The following APOC1 variants were observed in gnomAD, a reference collection of about 807,000 sequenced individuals.
APOC1 encodes the protein apolipoprotein C-I.
In APOC1, 4 loss-of-function variants were observed where a neutral mutation model predicts 6.7. The ratio of observed to expected loss-of-function variants is 0.60; its 90% confidence interval spans 0.29 to 1.37. The LOEUF (loss-of-function observed/expected upper bound fraction) is 1.37. Among genes scored for constraint, APOC1 ranks in the 40% most tolerant of loss-of-function variants. The pLI is 0.09. For missense variants in APOC1, 122 were observed against 99.4 expected, an observed-to-expected ratio of 1.23 and a Z score of -0.97; for synonymous variants, 33 against 40.6, an observed-to-expected ratio of 0.81 and a Z score of 0.72.
chr19:44,915,168 G>T lies in APOC1; in HGVS notation c.58+219G>T, dbSNP rs760675765. The T allele has an allele frequency of 5.9e-5, 35 of 590,440 alleles. No individual in the cohort carries two copies. The South Asian group carries it at 6.3e-4, about 11-fold the overall frequency. 36.6% of individuals were successfully genotyped at this position (590,440 alleles called of 1,614,324 possible). On this transcript the variant is annotated intron_variant, in intron 2 of 3. Transcript: ENST00000592535. ...GCACTAGCAACCGATGACGTATTGA[G>T]GCCCACACCTCTGGGATTGGCTGTC...
At chr19:44,918,991 G>C (rs1970055997) in intron 3 of APOC1, 182 bp from the exon 4 acceptor site, 1 of 671,662 alleles carries the variant, frequency 1.5e-6, no homozygotes, top group Non-Finnish European at 2.7e-6. Flanking sequence ...ACGTGCTTTG[G>C]TCCATCTGGG....
At chr19:44,917,153 C>A (rs1160420496) in intron 3 of APOC1, among the ~76,000 whole-genome samples, 1 of 152,124 alleles carries the variant, frequency 6.6e-6, no homozygotes, top group Non-Finnish European at 1.5e-5. Flanking sequence ...AAGGAGCAGG[C>A]CTACAGGGTG....
chr19:44,919,143 A>C (rs749703095), intron 3 of APOC1, 30 bp from the exon 4 acceptor site: 1 of 1,603,118 alleles, frequency 6.2e-7, no homozygotes, highest in Middle Eastern at 1.9e-4. Flanking sequence ...AGCTGCACAC[A>C]GTGACCCCCT....
intron 3 of APOC1, among the ~76,000 whole-genome samples, chr19:44,917,280 CTG>C (rs927854531): frequency 6.6e-6 from 1 of 152,148 alleles, no homozygotes; most frequent in African/African-American, 2.4e-5. Context: ...GTGCTGGAAA[CTG>C]TTTCAATGTG....
rs1232233343 is a variant in APOC1 at position 44,916,136 on chromosome 19, C to A, written c.59-54C>A. ...TGGGCTACAGAGCAAGACTCCATCTCCAAAAAAAAAAAAAAAAAAACAAAT... is the reference window on the plus strand; with the variant it reads ...TGGGCTACAGAGCAAGACTCCATCTACAAAAAAAAAAAAAAAAAAACAAAT... On this transcript the variant is annotated intron_variant, in intron 2 of 3. Transcript: ENST00000592535. The A allele has an allele frequency of 1.1e-4, 40 of 370,784 alleles. No individual in the cohort carries two copies. The African/African-American group carries it at 6.1e-3, about 57-fold the overall frequency. 23.0% of individuals were successfully genotyped at this position (370,784 alleles called of 1,614,324 possible). A position where few individuals can be genotyped will look rare whatever the true frequency, so the allele number is the denominator to read the frequency against.
At chr19:44,918,925 T>A (rs1344574806) in intron 3 of APOC1, 2 of 516,848 alleles carry the variant, frequency 3.9e-6, no homozygotes, top group South Asian at 5.8e-5. Context: ...TCCCAAAGTG[T>A]TGGGATTACA....
At chr19:44,918,546 G>T (rs1970048014) in intron 3 of APOC1, among the ~76,000 whole-genome samples, 1 of 151,184 alleles carries the variant, frequency 6.6e-6, no homozygotes, top group Non-Finnish European at 1.5e-5. Flanking sequence ...ATTCTTAGTA[G>T]AATGTAGAAT....
intron 3 of APOC1, among the ~76,000 whole-genome samples, chr19:44,916,777 G>A (rs1233371464): frequency 1.5e-5 from 2 of 134,990 alleles, no homozygotes; most frequent in Non-Finnish European, 3.1e-5. Flanking sequence ...CCAACATTGT[G>A]CCAGCCTGGG....
At chr19:44,916,828 A>AAC (rs1970018752) in intron 3 of APOC1, among the ~76,000 whole-genome samples, 1 of 144,542 alleles carries the variant, frequency 6.9e-6, no homozygotes, top group African/African-American at 2.6e-5. Context: ...AAAAAAAAAA[A>AAC]AAAAAAACAA....
At chr19:44,916,856 A>T (rs182848507) in intron 3 of APOC1, among the ~76,000 whole-genome samples, 1 of 146,818 alleles carries the variant, frequency 6.8e-6, no homozygotes, top group East Asian at 2.0e-4. Context: ...TTGCCCAGGT[A>T]TGGTGGCTCA....
In APOC1 at chr19:44,916,149, A is replaced by AAAAAAAAAC. The variant is rs752987113; in HGVS notation, c.59-34_59-33insACAAAAAAA. 6.6e-6 allele frequency: 10 copies of AAAAAAAAAC among 1,513,620 alleles called. No homozygotes were observed. The African/African-American group carries it at 1.2e-4, about 18-fold the overall frequency. 93.8% of individuals were successfully genotyped at this position (1,513,620 alleles called of 1,614,324 possible). ...AAGACTCCATCTCCAAAAAAAAAAA[A>AAAAAAAAAC]AAAAAAACAAATTTTGAACCCCTGC... On this transcript the variant is annotated intron_variant, in intron 2 of 3. Coordinates refer to ENST00000592535, the MANE Select transcript of APOC1 (RefSeq NM_001645.5).
rs778924448 is a variant in APOC1 at position 44,919,151 on chromosome 19, C to T, written c.195-22C>T. On this transcript the variant is annotated intron_variant, in intron 3 of 3. Coordinates refer to ENST00000592535, the MANE Select transcript of APOC1 (RefSeq NM_001645.5). ...GGGAGGTAGCTGCACACAGTGACCC[C>T]CTTCCTTATTCCTCCCCACAGGGAG... The T allele has an allele frequency of 7.5e-6, 12 of 1,609,944 alleles. No individual in the cohort carries two copies. The South Asian group carries it at 8.8e-5, about 12-fold the overall frequency.
rs1341622605 is a variant in APOC1 at position 44,914,877 on chromosome 19, C to A, written c.-15C>A. On this transcript the variant is annotated 5_prime_UTR_variant, in exon 2 of 4. Transcript: ENST00000592535. The stretch of plus-strand genomic sequence containing the variant: ...ACCCCTGCCTCTGCCTCCAGAGTGC[C>A]CCTCCGGCCTCGCCATGAGGCTCTT... 6.2e-7 allele frequency: 1 copy of A among 1,613,568 alleles called. No individual in the cohort carries two copies. The highest frequency in any genetic ancestry group is 1.3e-5 in the African/African-American group (1 of 75,022).
At chr19:44,915,136 C>T (rs1969981047) in intron 2 of APOC1, 187 bp downstream of exon 2, 1 of 621,214 alleles carries the variant, frequency 1.6e-6, no homozygotes, top group East Asian at 2.8e-5. Context: ...CAAATCTGCG[C>T]AGGAGAGCAC....
chr19:44,915,102 TC>T, intron 2 of APOC1, 153 bp downstream of exon 2: 1 of 767,144 alleles, frequency 1.3e-6, no homozygotes, highest in Non-Finnish European at 2.2e-6. Context: ...CTCCAGGTTC[TC>T]CCAGGCTCAG....
intron 2 of APOC1, among the ~76,000 whole-genome samples, chr19:44,915,795 C>T (rs1216186277): frequency 1.3e-5 from 2 of 151,726 alleles, no homozygotes; most frequent in East Asian, 3.9e-4. Flanking sequence ...GGTGAAACTT[C>T]GTCTCTACTA....
intron 3 of APOC1, among the ~76,000 whole-genome samples, chr19:44,918,656 C>T (rs1008315692): frequency 6.6e-6 from 1 of 151,904 alleles, no homozygotes; most frequent in African/African-American, 2.4e-5. Context: ...GGATTACAGG[C>T]GTGAGCCACG....
At chr19:44,917,508 A>G (rs574925461) in intron 3 of APOC1, among the ~76,000 whole-genome samples, 1 of 151,888 alleles carries the variant, frequency 6.6e-6, no homozygotes, top group Non-Finnish European at 1.5e-5. Flanking sequence ...AGCCCAGGAG[A>G]TCTAGGCTGC....
chr19:44,916,383 G>T lies in APOC1; in HGVS notation c.194+58G>T, dbSNP rs758051304. On this transcript the variant is annotated intron_variant, in intron 3 of 3. Coordinates refer to ENST00000592535, the MANE Select transcript of APOC1 (RefSeq NM_001645.5). ...GGGTGTGTTTTTGGGTGGAGCCCTG[G>T]CAGATGGTCCAAGATGAACAGATTG... 4 of 1,605,012 alleles carry T rather than the reference G, an allele frequency of 2.5e-6. No individual in the cohort carries two copies. In the South Asian group the frequency reaches 4.4e-5, roughly 18 times the overall value.
Sources: gnomAD v4.1 joint callset for allele counts (sites outside exome capture counted in the v4.1 genomes callset) on GRCh38, gnomAD v4.1.1 for gene constraint, MANE v1.5 for transcripts, NCBI Gene and HGNC (gene_info 2026-07-23, HGNC 2026-07-21) for gene names.